Variants in PALS2 observed in about 807,000 individuals in gnomAD.
The protein encoded by PALS2 is protein PALS2.
A neutral mutation model predicts 61.6 loss-of-function variants in PALS2; 27 were observed. The observed-to-expected ratio is 0.44, with a 90% CI of 0.32 to 0.60. The LOEUF is 0.60. Ranked by LOEUF, PALS2 falls within the 20% of genes least tolerant of loss-of-function variation. PALS2 has a pLI of 0.05. For missense variants in PALS2, 554 were observed against 639.4 expected, an observed-to-expected ratio of 0.87 and a Z score of 1.44; for synonymous variants, 236 against 218.6, an observed-to-expected ratio of 1.08 and a Z score of -0.70.
chr7:24,687,403 T>C lies in PALS2; in HGVS notation c.1447-35T>C. On this transcript the variant is annotated intron_variant, in intron 11 of 11. Transcript: ENST00000222644. The surrounding 1 kb of genome is among the most constrained non-coding windows in gnomAD (Gnocchi z 4.5). ...AGTTTGAGCAAGTAAATATGCATTG[T>C]AATACAAACATTTCCTTTTAAAACT... The C allele has an allele frequency of 6.5e-7, 1 of 1,545,004 alleles. No individual in the cohort carries two copies. Among genetic ancestry groups the C allele is most frequent in the South Asian group, 1.2e-5 (1 of 85,994 alleles).
chr7:24,608,152 T>C (rs910062401), intron 1 of PALS2, among the ~76,000 whole-genome samples: 1 of 152,192 alleles, frequency 6.6e-6, no homozygotes, highest in Non-Finnish European at 1.5e-5. Context: ...ATCACAACTT[T>C]GGAGTCTACT....
intron 2 of PALS2, among the ~76,000 whole-genome samples, chr7:24,636,015 C>T (rs1007546547): frequency 6.6e-6 from 1 of 151,892 alleles, no homozygotes; most frequent in African/African-American, 2.4e-5. Context: ...AGTTCGAGTC[C>T]AGCCTGACCA....
intron 7 of PALS2, 70 bp downstream of exon 7, chr7:24,665,757 A>C (rs1786983229): frequency 7.4e-7 from 1 of 1,353,986 alleles, no homozygotes; most frequent in East Asian, 2.3e-5. Context: ...TTTTGTCTAA[A>C]TAAGCAAATG....
chr7:24,662,125 A>G (rs1786753124), intron 5 of PALS2, among the ~76,000 whole-genome samples: 1 of 152,192 alleles, frequency 6.6e-6, no homozygotes, highest in Non-Finnish European at 1.5e-5. Context: ...TTAAGGATTA[A>G]TATTTAGCTT....
At chr7:24,623,484 G>A (rs1470843878) in intron 1 of PALS2, among the ~76,000 whole-genome samples, 182 bp from the exon 2 acceptor site, 1 of 151,862 alleles carries the variant, frequency 6.6e-6, no homozygotes, top group East Asian at 1.9e-4. Context: ...TTAATTCCTG[G>A]GAAGTCAATT....
In PALS2 at chr7:24,666,067, G is replaced by A. The variant is rs1425155233; in HGVS notation, c.930G>A (p.Met310Ile). The A allele has an allele frequency of 1.2e-6, 2 of 1,611,482 alleles. No homozygotes were observed. The highest frequency in any genetic ancestry group is 3.3e-5 in the Admixed American group (2 of 59,892). ...GTAGCAAAAAAAAGAAAAAGATGAT[G>A]TATCTCACAACCAGAAATGCAGGTA... is the stretch of plus-strand genomic sequence containing the variant. Reference protein sequence around the residue: ...TISSKKKKKMMYLTTRNAEFD... With the variant: ...TISSKKKKKMIYLTTRNAEFD... The change falls in exon 8 of 12, where the codon ATG becomes ATA. Residue 310 changes from methionine (M) to isoleucine (I), a missense_variant. By Grantham distance (10) the Met-to-Ile change is conservative. Coordinates refer to ENST00000222644, the MANE Select transcript of PALS2 (RefSeq NM_001303037.2).
At chr7:24,640,799 G>A (rs1034771546) in intron 2 of PALS2, among the ~76,000 whole-genome samples, 2 of 151,958 alleles carry the variant, frequency 1.3e-5, no homozygotes, top group Non-Finnish European at 2.9e-5. Flanking sequence ...ACGAGGTCAG[G>A]AGATCAAGAC....
intron 1 of PALS2, among the ~76,000 whole-genome samples, chr7:24,606,096 A>G (rs1783888394): frequency 1.3e-5 from 2 of 152,288 alleles, no homozygotes; most frequent in South Asian, 2.1e-4. Flanking sequence ...AAGCCATTTC[A>G]GTATGTGTCA....
intron 3 of PALS2, among the ~76,000 whole-genome samples, chr7:24,647,113 T>G (rs2390983): frequency 0.069 from 10,448 of 151,788 alleles, 448 homozygotes; most frequent in African/African-American, 0.11. Flanking sequence ...ATTCTGATTT[T>G]TTGTTGTTGT....
chr7:24,653,954 A>G (rs1786287905), intron 5 of PALS2, among the ~76,000 whole-genome samples: 1 of 152,186 alleles, frequency 6.6e-6, no homozygotes. Context: ...CTATTGGGGA[A>G]GTGGTGATCT....
rs921739460 is a variant in PALS2 at position 24,676,755 on chromosome 7, C to A, written c.1115-2376C>A. Among the ~76,000 whole-genome samples the A allele has an allele frequency of 7.9e-5, 12 of 151,084 alleles. 2 individuals are homozygous for A. Among genetic ancestry groups the A allele is most frequent in the African/African-American group, 2.7e-4 (11 of 40,474 alleles). ...TCTGTATCTCTGTTTTGGTACCAGT[C>A]CCATGCTGTTTTGGTTACTGTAGCC... On this transcript the variant is annotated intron_variant, in intron 9 of 11. Coordinates refer to ENST00000222644, the MANE Select transcript of PALS2 (RefSeq NM_001303037.2).
intron 2 of PALS2, among the ~76,000 whole-genome samples, chr7:24,631,134 G>A (rs1042024448): frequency 3.3e-5 from 5 of 152,156 alleles, no homozygotes; most frequent in Admixed American, 3.3e-4. Context: ...TTCCAGAAAG[G>A]GTTTACTATT....
intron 1 of PALS2, among the ~76,000 whole-genome samples, chr7:24,589,848 A>C (rs1783215075): frequency 6.6e-6 from 1 of 152,146 alleles, no homozygotes; most frequent in Non-Finnish European, 1.5e-5. Flanking sequence ...TTTCAGATTT[A>C]GTTATATTAG....
chr7:24,680,324 T>C (rs1193079879), intron 10 of PALS2, 68 bp from the exon 11 acceptor site: 1 of 1,497,172 alleles, frequency 6.7e-7, no homozygotes, highest in Admixed American at 1.7e-5. Flanking sequence ...CTTTGATATA[T>C]ACTAAAGGGT....
chr7:24,663,635 C>T lies in PALS2; in HGVS notation c.697C>T (p.Leu233=), dbSNP rs753873004. The change falls in exon 6 of 12, where the codon CTA becomes TTA. Residue 233 remains leucine (L), a synonymous_variant. Transcript: ENST00000222644. ...HFDYNPYNDN[L]IPCKEAGLKF... The stretch of plus-strand genomic sequence containing the variant: ...TGATTATAATCCATACAATGACAAC[C>T]TAATACCTTGCAAAGAAGCAGGATT... 2 of 1,594,792 alleles carry T rather than the reference C, an allele frequency of 1.3e-6. No individual in the cohort carries two copies. The highest frequency in any genetic ancestry group is 1.7e-6 in the Non-Finnish European group (2 of 1,163,296).
intron 5 of PALS2, 83 bp downstream of exon 5, chr7:24,650,795 A>T (rs564349040): frequency 1.0e-6 from 1 of 980,916 alleles, no homozygotes; most frequent in Admixed American, 3.1e-5. Context: ...AGTTGCTACT[A>T]TTTTGCTAAA....
intron 3 of PALS2, among the ~76,000 whole-genome samples, chr7:24,643,734 G>A (rs1032578422): frequency 6.6e-6 from 1 of 151,924 alleles, no homozygotes; most frequent in Admixed American, 6.6e-5. Flanking sequence ...TTCCACCCCC[G>A]GATTTGTTTA....
chr7:24,643,840 A>G (rs142364674), intron 3 of PALS2, among the ~76,000 whole-genome samples: 151 of 152,302 alleles, frequency 9.9e-4, no homozygotes, highest in African/African-American at 3.5e-3. Flanking sequence ...ATTTGGAGCT[A>G]GAATACATCT....
chr7:24,641,941 G>A (rs1785579326), intron 3 of PALS2, 73 bp downstream of exon 3: 4 of 1,483,966 alleles, frequency 2.7e-6, no homozygotes, highest in East Asian at 2.3e-5. Flanking sequence ...TCCAGTTTAA[G>A]GTGATGTTTT....
Sources: gnomAD v4.1 joint callset for allele counts (sites outside exome capture counted in the v4.1 genomes callset) on GRCh38, gnomAD v4.1.1 for gene constraint, Gnocchi (gnomAD v3.1) non-coding constraint, MANE v1.5 for transcripts, NCBI Gene and HGNC (gene_info 2026-07-23, HGNC 2026-07-21) for gene names.